The following INSL6 variants were observed in gnomAD, a reference collection of about 807,000 sequenced individuals.
The protein encoded by INSL6 is insulin like 6.
Under a neutral mutation model 9.4 loss-of-function variants are expected in INSL6, and 16 were observed. That is an observed-to-expected ratio of 1.70 (90% confidence interval 1.15 to 2.59). The LOEUF is 2.59. Ranked by LOEUF, INSL6 falls within the 30% of genes most tolerant of loss-of-function variation. The pLI is 0.00. For missense variants in INSL6, 391 were observed against 257.3 expected, an observed-to-expected ratio of 1.52 and a Z score of -3.56; for synonymous variants, 154 against 96.9, an observed-to-expected ratio of 1.59 and a Z score of -3.46.
At chr9:5,180,924 AC>A (rs1169285265) in intron 1 of INSL6, among the ~76,000 whole-genome samples, 2 of 151,768 alleles carry the variant, frequency 1.3e-5, no homozygotes, top group Admixed American at 6.6e-5. Flanking sequence ...CTGTTCTTAC[AC>A]CCCCTCCCCT....
the INSL6 span, chr9:5,111,803 G>C: frequency 4.7e-5 from 20 of 422,734 alleles, no homozygotes; most frequent in African/African-American, 3.5e-4. Context: ...GGCCCCCGGA[G>C]CCACGTAGGC....
the INSL6 span, among the ~76,000 whole-genome samples, chr9:5,065,727 A>T: frequency 3.3e-5 from 5 of 152,328 alleles, no homozygotes; most frequent in African/African-American, 1.2e-4. Context: ...TATTTAGCTT[A>T]AGTCCTAATG....
the INSL6 span, among the ~76,000 whole-genome samples, chr9:4,998,245 A>C: frequency 5.9e-5 from 9 of 151,790 alleles, no homozygotes; most frequent in African/African-American, 2.2e-4. Context: ...GGGAAAAAAA[A>C]CTCCAACGGG....
chr9:5,020,362 G>A, the INSL6 span, among the ~76,000 whole-genome samples: 12 of 152,164 alleles, frequency 7.9e-5, no homozygotes, highest in Non-Finnish European at 1.3e-4. Flanking sequence ...TGGATACGTG[G>A]GAGTGGGGTG....
At chr9:5,165,569 G>T (rs1825033028) in intron 1 of INSL6, among the ~76,000 whole-genome samples, 1 of 152,130 alleles carries the variant, frequency 6.6e-6, no homozygotes, top group Admixed American at 6.6e-5. Flanking sequence ...CCTCTTTGAA[G>T]AAATGTCTCT....
At chr9:5,162,072 C>CA (rs59132384), downstream of INSL6, among the ~76,000 whole-genome samples, 3,522 of 136,206 alleles carry the variant, frequency 0.026, 137 homozygotes, top group African/African-American at 0.085. Context: ...GACCCTGCCT[C>CA]AAAAAAAAAA....
At chr9:5,176,932 GA>G (rs748083399) in intron 1 of INSL6, among the ~76,000 whole-genome samples, 5 of 151,432 alleles carry the variant, frequency 3.3e-5, no homozygotes, top group African/African-American at 9.7e-5. Flanking sequence ...AATAGCTAAA[GA>G]AAAAAAAGTA....
At chr9:5,024,521 T>G in the INSL6 span, among the ~76,000 whole-genome samples, 1 of 152,042 alleles carries the variant, frequency 6.6e-6, no homozygotes, top group East Asian at 1.9e-4. Flanking sequence ...GGTGAAAGCT[T>G]AGGGTCTTTT....
chr9:4,994,549 T>G, the INSL6 span, among the ~76,000 whole-genome samples: 1 of 152,248 alleles, frequency 6.6e-6, no homozygotes, highest in Non-Finnish European at 1.5e-5. Flanking sequence ...TTAAGGATCA[T>G]AAATAAAATA....
intron 1 of INSL6, among the ~76,000 whole-genome samples, chr9:5,183,187 G>A (rs1035755715): frequency 1.3e-5 from 2 of 151,980 alleles, no homozygotes; most frequent in African/African-American, 2.4e-5. Context: ...GAAATTAACA[G>A]GACAGAATAA....
chr9:5,071,855 A>G, the INSL6 span, among the ~76,000 whole-genome samples: 1 of 152,226 alleles, frequency 6.6e-6, no homozygotes, highest in Non-Finnish European at 1.5e-5. Context: ...GCCTTACTGC[A>G]GAGTGCAGGC....
the INSL6 span, among the ~76,000 whole-genome samples, chr9:5,075,189 C>A: frequency 6.6e-6 from 1 of 151,966 alleles, no homozygotes; most frequent in Non-Finnish European, 1.5e-5. Context: ...ATGTGCACAG[C>A]ATAAGTGCAA....
the INSL6 span, among the ~76,000 whole-genome samples, chr9:5,050,369 G>C: frequency 0.62 from 94,086 of 152,012 alleles, 31,289 homozygotes; most frequent in African/African-American, 0.88. Flanking sequence ...GATCATAGCT[G>C]AAGAGATCCT....
the INSL6 span, chr9:5,041,244 A>G: frequency 1.4e-6 from 2 of 1,460,898 alleles, no homozygotes; most frequent in East Asian, 4.5e-5. Flanking sequence ...AAGCGGCAGC[A>G]CGCCATCCAC....
intron 1 of INSL6, among the ~76,000 whole-genome samples, chr9:5,180,239 T>A (rs1825418948): frequency 6.6e-6 from 1 of 152,224 alleles, no homozygotes; most frequent in Non-Finnish European, 1.5e-5. Context: ...GTATGTCACC[T>A]CAGGACCACT....
At chr9:5,051,167 T>C in the INSL6 span, among the ~76,000 whole-genome samples, 4 of 152,180 alleles carry the variant, frequency 2.6e-5, no homozygotes, top group East Asian at 5.8e-4. Flanking sequence ...TAAAAAATCA[T>C]ATGGGTAAGT....
At chr9:5,050,596 T>A in the INSL6 span, 2 of 1,338,522 alleles carry the variant, frequency 1.5e-6, no homozygotes, top group East Asian at 4.9e-5. Context: ...AATGCATATG[T>A]TCTGAAAATT....
At chr9:5,080,609 G>A in the INSL6 span, 1 of 1,607,984 alleles carries the variant, frequency 6.2e-7, no homozygotes, top group Admixed American at 1.7e-5. Context: ...ATAAATAATT[G>A]TATGGATTAT....
chr9:5,146,052 G>C (rs1462685125), intron 2 of INSL6, among the ~76,000 whole-genome samples: 1 of 152,082 alleles, frequency 6.6e-6, no homozygotes, highest in Non-Finnish European at 1.5e-5. Context: ...TCGCATTCTT[G>C]TGCTGATTCT....
Sources: gnomAD v4.1 joint callset for allele counts (sites outside exome capture counted in the v4.1 genomes callset) on GRCh38, gnomAD v4.1.1 for gene constraint, MANE v1.5 for transcripts, NCBI Gene and HGNC (gene_info 2026-07-23, HGNC 2026-07-21) for gene names.